The following CACNG2 variants were observed in gnomAD, a reference collection of about 807,000 sequenced individuals.
CACNG2 encodes voltage-dependent calcium channel gamma-2 subunit.
Under a neutral mutation model 25.9 loss-of-function variants are expected in CACNG2, and 3 were observed. The ratio of observed to expected loss-of-function variants is 0.12; its 90% CI spans 0.05 to 0.30. The LOEUF (loss-of-function observed/expected upper bound fraction) is 0.30. CACNG2 is among the 10% of genes least tolerant of loss of function. The pLI, the probability that CACNG2 is intolerant of heterozygous loss-of-function variation, is 1.00. For missense variants in CACNG2, 341 were observed against 432.5 expected, an observed-to-expected ratio of 0.79 and a Z score of 1.88; for synonymous variants, 167 against 173.3, an observed-to-expected ratio of 0.96 and a Z score of 0.29.
intron 1 of CACNG2, among the ~76,000 whole-genome samples, chr22:36,610,392 G>A (rs1359978123): frequency 2.6e-5 from 4 of 151,996 alleles, no homozygotes; most frequent in East Asian, 1.9e-4. Context: ...GCTCCCCAGA[G>A]CGTGATTGGG....
intron 1 of CACNG2, among the ~76,000 whole-genome samples, chr22:36,627,207 G>C (rs1235954317): frequency 6.6e-6 from 1 of 152,072 alleles, no homozygotes; most frequent in Non-Finnish European, 1.5e-5. Flanking sequence ...AAGGAGGAAG[G>C]AGTGGGTAGG....
At chr22:36,658,669 C>T (rs1202151357) in intron 1 of CACNG2, among the ~76,000 whole-genome samples, 1 of 152,214 alleles carries the variant, frequency 6.6e-6, no homozygotes, top group Non-Finnish European at 1.5e-5. Flanking sequence ...GCTGGGTACA[C>T]TGCAGGGACC....
chr22:36,634,332 C>T (rs780362827), intron 1 of CACNG2, among the ~76,000 whole-genome samples: 16 of 152,160 alleles, frequency 1.1e-4, no homozygotes, highest in Non-Finnish European at 2.2e-4. Context: ...AGATGATCTG[C>T]CATGATTTTT....
At chr22:36,662,940 T>C (rs906757671) in intron 1 of CACNG2, among the ~76,000 whole-genome samples, 6 of 152,078 alleles carry the variant, frequency 3.9e-5, no homozygotes, top group African/African-American at 1.4e-4. Flanking sequence ...GGCGTAGTTA[T>C]CTCTGTATCA....
At chr22:36,601,067 G>A (rs192133723) in intron 1 of CACNG2, among the ~76,000 whole-genome samples, 3 of 152,212 alleles carry the variant, frequency 2.0e-5, no homozygotes, top group African/African-American at 7.2e-5. Context: ...TAGTCCCCAT[G>A]TTGTACATTA....
At chr22:36,700,007 C>T (rs1937390621) in intron 1 of CACNG2, among the ~76,000 whole-genome samples, 1 of 152,244 alleles carries the variant, frequency 6.6e-6, no homozygotes, top group African/African-American at 2.4e-5. Context: ...GAGCTCCAGC[C>T]CTTCCTGCCC....
At chr22:36,673,960 C>T (rs1000257387) in intron 1 of CACNG2, among the ~76,000 whole-genome samples, 8 of 152,178 alleles carry the variant, frequency 5.3e-5, no homozygotes, top group East Asian at 1.9e-4. Flanking sequence ...GATTTGGTAA[C>T]GGGGTCCCCT....
chr22:36,691,087 G>A (rs745626886), intron 1 of CACNG2, among the ~76,000 whole-genome samples: 17 of 152,152 alleles, frequency 1.1e-4, no homozygotes, highest in Non-Finnish European at 2.2e-4. Flanking sequence ...GTAGTAACTT[G>A]GTAAATTTTG....
intron 1 of CACNG2, among the ~76,000 whole-genome samples, chr22:36,613,156 CTGTG>C (rs61572491): frequency 1.1e-3 from 162 of 146,228 alleles, no homozygotes; most frequent in Middle Eastern, 6.8e-3. Flanking sequence ...TACAGGCTCT[CTGTG>C]TGTGTGTGTG....
At position 36,600,550 on chromosome 22, in the gene CACNG2, TG is replaced by T. The variant is rs1935740568; in HGVS notation, c.212-13003del. Reference sequence around the variant, plus strand: ...TTTAAAAAAGCTTGATTTTTAAATTTGTTTTTTTTTTTTTGATACGGAGTCT... The same window carrying T: ...TTTAAAAAAGCTTGATTTTTAAATTTTTTTTTTTTTTTTGATACGGAGTCT... On this transcript the variant is annotated intron_variant, in intron 1 of 3. Transcript: ENST00000300105. Among the ~76,000 whole-genome samples the T allele has an allele frequency of 8.9e-5, 13 of 145,596 alleles. 1 individual carries two copies. In the South Asian group the frequency reaches 2.7e-3, roughly 31 times the overall value.
intron 1 of CACNG2, among the ~76,000 whole-genome samples, chr22:36,601,404 A>G (rs531497731): frequency 4.6e-5 from 7 of 152,210 alleles, no homozygotes; most frequent in Non-Finnish European, 8.8e-5. Flanking sequence ...TTCTTTATTC[A>G]TTCATCCATT....
intron 1 of CACNG2, among the ~76,000 whole-genome samples, chr22:36,693,568 CT>C (rs1937294384): frequency 6.6e-6 from 1 of 152,130 alleles, no homozygotes; most frequent in Non-Finnish European, 1.5e-5. Context: ...CCTTTCTGGG[CT>C]TCCCTTTTCT....
chr22:36,561,374 G>T lies in CACNG2; in HGVS notation c.*2977C>A, dbSNP rs1935026027. 1 of 152,322 alleles carries T rather than the reference G, an allele frequency of 6.6e-6. No homozygotes were observed. Among genetic ancestry groups the T allele is most frequent in the Admixed American group, 6.5e-5 (1 of 15,284 alleles). The allele number at this position is 152,322 out of a possible 1,614,324, so 9.4% of individuals were successfully genotyped here. ...CGGGCAAGATTGGGGTGGGAGAGGG[G>T]TAGAGTTCAGTTTCTGCCCAGACTG... On this transcript the variant is annotated 3_prime_UTR_variant, in exon 4 of 4. Coordinates refer to ENST00000300105, the MANE Select transcript of CACNG2 (RefSeq NM_006078.5).
intron 1 of CACNG2, among the ~76,000 whole-genome samples, chr22:36,656,561 A>C (rs1601439663): frequency 6.6e-6 from 1 of 151,980 alleles, no homozygotes; most frequent in Non-Finnish European, 1.5e-5. Flanking sequence ...CAGCCCCTAC[A>C]TTGTGTTCTC....
chr22:36,629,351 A>G (rs1476612279), intron 1 of CACNG2, among the ~76,000 whole-genome samples: 1 of 152,042 alleles, frequency 6.6e-6, no homozygotes, highest in African/African-American at 2.4e-5. Flanking sequence ...GGTGATGGAG[A>G]TGCAGAGTGG....
chr22:36,690,629 A>T (rs1429763904), intron 1 of CACNG2, among the ~76,000 whole-genome samples: 2 of 152,220 alleles, frequency 1.3e-5, no homozygotes, highest in African/African-American at 2.4e-5. Context: ...CCCATTTTAC[A>T]CGTGAAAAAT....
intron 2 of CACNG2, among the ~76,000 whole-genome samples, chr22:36,585,647 C>G (rs1935490194): frequency 2.0e-5 from 3 of 152,172 alleles, no homozygotes; most frequent in Admixed American, 2.0e-4. Flanking sequence ...CCCACAAAGC[C>G]TAAAATATTC....
chr22:36,610,472 T>G (rs1182292076), intron 1 of CACNG2, among the ~76,000 whole-genome samples: 1 of 152,228 alleles, frequency 6.6e-6, no homozygotes, highest in Admixed American at 6.5e-5. Context: ...ACTACAAAGC[T>G]GAGGGCAAGA....
intron 1 of CACNG2, among the ~76,000 whole-genome samples, chr22:36,673,961 G>A (rs534969551): frequency 1.7e-4 from 26 of 152,328 alleles, no homozygotes; most frequent in African/African-American, 5.5e-4. Context: ...ATTTGGTAAC[G>A]GGGTCCCCTG....
Sources: allele counts gnomAD v4.1 joint callset (sites outside exome capture counted in the v4.1 genomes callset), GRCh38; gene constraint gnomAD v4.1.1; transcripts MANE v1.5; gene names NCBI Gene and HGNC (gene_info 2026-07-23, HGNC 2026-07-21).